The following COLGALT1 variants were observed in gnomAD, a reference collection of about 807,000 sequenced individuals.
The protein encoded by COLGALT1 is collagen beta(1-O)galactosyltransferase 1.
In COLGALT1, 43 loss-of-function variants were observed where a neutral mutation model predicts 60.8. The ratio of observed to expected loss-of-function variants is 0.71; its 90% confidence interval spans 0.55 to 0.91. COLGALT1 has a LOEUF of 0.91. Ranked by LOEUF, COLGALT1 falls within the 40% of genes least tolerant of loss-of-function variation. The pLI, the probability that COLGALT1 is intolerant of heterozygous loss-of-function variation, is 0.00. For missense variants in COLGALT1, 845 were observed against 880.0 expected, an observed-to-expected ratio of 0.96 and a Z score of 0.50; for synonymous variants, 369 against 374.2, an observed-to-expected ratio of 0.99 and a Z score of 0.16.
In COLGALT1 at chr19:17,555,716, GGCGGCGGCCCCACGC is replaced by G. The variant is rs2076205777; in HGVS notation, c.8_22del (p.Ala3_Ala7del). On this transcript the variant is annotated inframe_deletion, in exon 1 of 12. Transcript: ENST00000252599. ...ACTTAAAGGAGACGCGTGGCGCGAT[GGCGGCGGCCCCACGC>G]GCGGGCCGGCGGCGCGGGCAGCCGC... is the stretch of plus-strand genomic sequence containing the variant. 8.4e-7 allele frequency: 1 copy of G among 1,190,264 alleles called. No homozygotes were observed. The highest frequency in any genetic ancestry group is 4.2e-5 in the South Asian group (1 of 23,604). 73.7% of individuals were successfully genotyped at this position (1,190,264 alleles called of 1,614,324 possible).
intron 6 of COLGALT1, among the ~76,000 whole-genome samples, chr19:17,575,195 G>A (rs1346123833): frequency 1.3e-5 from 2 of 151,920 alleles, no homozygotes; most frequent in Non-Finnish European, 2.9e-5. Context: ...TTTAACAGGC[G>A]CTTGCCACCA....
intron 5 of COLGALT1, among the ~76,000 whole-genome samples, chr19:17,569,948 G>A (rs2076302668): frequency 7.0e-6 from 1 of 143,132 alleles, no homozygotes. Flanking sequence ...AGGCTGGAGT[G>A]CAGTGGCCCG....
intron 3 of COLGALT1, among the ~76,000 whole-genome samples, chr19:17,565,116 G>A (rs1463496540): frequency 1.3e-5 from 2 of 151,932 alleles, no homozygotes; most frequent in African/African-American, 4.8e-5. Context: ...CTCCTCATCC[G>A]TTGATGGACA....
intron 1 of COLGALT1, among the ~76,000 whole-genome samples, chr19:17,556,278 C>CT (rs2076210797): frequency 6.6e-6 from 1 of 152,240 alleles, no homozygotes; most frequent in South Asian, 2.1e-4. Flanking sequence ...GGCACCGCTT[C>CT]TGCCTGCTGG....
rs2076387531 is a variant in COLGALT1 at position 17,582,141 on chromosome 19, T to TTGGCCACC, written c.*697_*698insTGGCCACC. ...CCAGGCTGGTCTCGAACTCCTGACC[T>TTGGCCACC]CAAGTGATCTGCCCGCCTTGGCCAC... is the stretch of plus-strand genomic sequence containing the variant. On this transcript the variant is annotated 3_prime_UTR_variant, in exon 12 of 12. Coordinates refer to ENST00000252599, the MANE Select transcript of COLGALT1 (RefSeq NM_024656.4). The TTGGCCACC allele has an allele frequency of 6.6e-6, 1 of 152,360 alleles. No homozygotes were observed. Among genetic ancestry groups the TTGGCCACC allele is most frequent in the Non-Finnish European group, 1.5e-5 (1 of 68,232 alleles). 9.4% of individuals were successfully genotyped at this position (152,360 alleles called of 1,614,324 possible).
chr19:17,555,763 C>A lies in COLGALT1; in HGVS notation c.50C>A (p.Ala17Glu), dbSNP rs987750259. The change falls in exon 1 of 12, where the codon GCG becomes GAG. Residue 17 changes from alanine (A) to glutamate (E), a missense_variant. By Grantham distance (107) the Ala-to-Glu change is moderately radical. Transcript: ENST00000252599. ...AGRRRGQPLL[A>E]LLLLLLAPLP... ...CGGCGGCGCGGGCAGCCGCTCCTGG[C>A]GCTGCTGCTTCTGCTGCTGGCGCCA... The A allele has an allele frequency of 2.4e-6, 3 of 1,226,576 alleles. No homozygotes were observed. The highest frequency in any genetic ancestry group is 1.6e-5 in the African/African-American group (1 of 63,608). The allele number at this position is 1,226,576 out of a possible 1,614,324, so 76.0% of individuals were successfully genotyped here.
intron 1 of COLGALT1, 52 bp from the exon 2 acceptor site, chr19:17,559,259 C>G: frequency 1.5e-6 from 2 of 1,366,482 alleles, no homozygotes; most frequent in South Asian, 2.5e-5. Context: ...TCACTGCTGC[C>G]TGGTCCTGCC....
rs1382883917 is a variant in COLGALT1, at chr19:17,579,500, C to A, written c.1285C>A (p.Gln429Lys). 6.2e-7 allele frequency: 1 copy of A among 1,613,990 alleles called. No individual in the cohort carries two copies. The highest frequency in any genetic ancestry group is 8.5e-7 in the Non-Finnish European group (1 of 1,180,024). The part of the protein sequence containing the change: ...IWKEVVDRGL[Q>K]KSLVFEDDLR... ...CCCTCAGGTGGTGGACCGGGGGCTG[C>A]AGAAATCGCTTGTGTTTGAGGATGA... Residue 429 changes from glutamine to lysine, a missense_variant, in exon 10 of 12, where the codon CAG becomes AAG. Coordinates refer to ENST00000252599, the MANE Select transcript of COLGALT1 (RefSeq NM_024656.4).
chr19:17,582,377 G>A lies in COLGALT1; in HGVS notation c.*933G>A, dbSNP rs1176164188. On this transcript the variant is annotated 3_prime_UTR_variant, in exon 12 of 12. Transcript: ENST00000252599. ...GGAGCTGAGCTATGGGATGGGAATG[G>A]GAGTAAACAAGGTACTTTTTACTTT... is the stretch of plus-strand genomic sequence containing the variant. 6.6e-6 allele frequency: 1 copy of A among 152,186 alleles called. No individual in the cohort carries two copies. Among genetic ancestry groups the A allele is most frequent in the Non-Finnish European group, 1.5e-5 (1 of 68,050 alleles). The allele number at this position is 152,186 out of a possible 1,614,324, so 9.4% of individuals were successfully genotyped here.
At position 17,560,341 on chromosome 19, in the gene COLGALT1, C is replaced by T; in HGVS notation, c.372-7C>T. On this transcript the variant is annotated splice_polypyrimidine_tract_variant and splice_region_variant and intron_variant, in intron 2 of 11. Transcript: ENST00000252599. ...GTGATGTCCACATCACAGCTGCCTC[C>T]CCATAGGTCCTACCCGGACGAGGAA... The T allele has an allele frequency of 6.2e-7, 1 of 1,612,458 alleles. No individual in the cohort carries two copies. Among genetic ancestry groups the T allele is most frequent in the Non-Finnish European group, 8.5e-7 (1 of 1,178,870 alleles).
rs545147423 is a variant in COLGALT1, at chr19:17,565,220, A to G, written c.490-2186A>G. On this transcript the variant is annotated intron_variant, in intron 3 of 11. Coordinates refer to ENST00000252599, the MANE Select transcript of COLGALT1 (RefSeq NM_024656.4). Reference sequence around the variant, plus strand: ...CGCAGGTTTGCAGTGCAGTGGCACGATCTCGGCTCACTGCAACCTCCATCT... The same window carrying G: ...CGCAGGTTTGCAGTGCAGTGGCACGGTCTCGGCTCACTGCAACCTCCATCT... 5.3e-5 allele frequency among the ~76,000 whole-genome samples: 8 copies of G among 151,982 alleles called. No individual in the cohort carries two copies. In the South Asian group the frequency reaches 1.7e-3, roughly 32 times the overall value.
At chr19:17,557,305 C>CT (rs896760274) in intron 1 of COLGALT1, among the ~76,000 whole-genome samples, 13 of 150,850 alleles carry the variant, frequency 8.6e-5, no homozygotes, top group South Asian at 2.1e-4. Context: ...TTGAGATATA[C>CT]TTTTTTTTTT....
intron 6 of COLGALT1, 67 bp from the exon 7 acceptor site, chr19:17,577,128 G>A: frequency 6.6e-7 from 1 of 1,517,834 alleles, no homozygotes; most frequent in Non-Finnish European, 9.1e-7. Flanking sequence ...AGTGGGTGGG[G>A]AAAGCGTGTT....
chr19:17,562,574 A>G (rs1236669441), intron 3 of COLGALT1, among the ~76,000 whole-genome samples: 1 of 151,692 alleles, frequency 6.6e-6, no homozygotes, highest in African/African-American at 2.4e-5. Flanking sequence ...AGGCAGGAGA[A>G]TGTCTTGAAC....
chr19:17,579,348 C>T, intron 9 of COLGALT1, 134 bp from the exon 10 acceptor site: 2 of 1,232,924 alleles, frequency 1.6e-6, no homozygotes, highest in Non-Finnish European at 2.3e-6. Flanking sequence ...CCAGATGTCC[C>T]TGGAGCTAGG....
chr19:17,555,981 G>T lies in COLGALT1; in HGVS notation c.260+8G>T. ...GGAGCGCACGGCGCTATGGTGAGTC[G>T]AGCCCGCTGTCCCCATCAGGCGGGT... is the stretch of plus-strand genomic sequence containing the variant. On this transcript the variant is annotated splice_region_variant and intron_variant, in intron 1 of 11. Coordinates refer to ENST00000252599, the MANE Select transcript of COLGALT1 (RefSeq NM_024656.4). The T allele has an allele frequency of 7.5e-7, 1 of 1,330,134 alleles. No homozygotes were observed. The highest frequency in any genetic ancestry group is 9.6e-7 in the Non-Finnish European group (1 of 1,037,546). 82.4% of individuals were successfully genotyped at this position (1,330,134 alleles called of 1,614,324 possible).
At chr19:17,568,792 A>C in intron 5 of COLGALT1, 79 bp downstream of exon 5, 3 of 1,369,946 alleles carry the variant, frequency 2.2e-6, no homozygotes, top group Non-Finnish European at 3.1e-6. Context: ...TTCAGAACAC[A>C]CTGAAGATTC....
At chr19:17,579,336 G>A (rs1289677501) in intron 9 of COLGALT1, 146 bp from the exon 10 acceptor site, 1 of 1,082,404 alleles carries the variant, frequency 9.2e-7, no homozygotes, top group Non-Finnish European at 1.3e-6. Flanking sequence ...AGGTTTGGAT[G>A]TCCAGATGTC....
At position 17,581,196 on chromosome 19, in the gene COLGALT1, T is replaced by C. The variant is rs142410173; in HGVS notation, c.1621T>C (p.Phe541Leu). The change falls in exon 12 of 12, where the codon TTC becomes CTC. Residue 541 changes from phenylalanine to leucine, a missense_variant. Physicochemically the swap from Phe to Leu is conservative, Grantham distance 22. Transcript: ENST00000252599. The part of the protein sequence containing the change: ...KHPVSEYKAH[F>L]SLRNLHAFSV... ...CCCCAGGTCCGAGTACAAGGCCCAC[T>C]TCTCCCTCCGCAACCTGCATGCCTT... 5.0e-6 allele frequency: 8 copies of C among 1,606,736 alleles called. No homozygotes were observed. In the African/African-American group the frequency reaches 1.1e-4, roughly 22 times the overall value.
Sources: allele counts gnomAD v4.1 joint callset (sites outside exome capture counted in the v4.1 genomes callset), GRCh38; gene constraint gnomAD v4.1.1; transcripts MANE v1.5; gene names NCBI Gene and HGNC (gene_info 2026-07-23, HGNC 2026-07-21).